MYRIP: variants seen among roughly 807,000 people sequenced by gnomAD.
MYRIP encodes the protein rab effector MyRIP.
A neutral mutation model predicts 98.0 loss-of-function variants in MYRIP; 49 were observed. That is an observed-to-expected ratio of 0.50 (90% CI 0.40 to 0.63). The LOEUF (loss-of-function observed/expected upper bound fraction) is 0.63. MYRIP is among the 30% of genes least tolerant of loss of function. MYRIP has a pLI of 0.00. For synonymous variants in MYRIP, 404 were observed against 409.5 expected, an observed-to-expected ratio of 0.99 and a Z score of 0.16; for missense variants, 1,004 against 1,058.2, an observed-to-expected ratio of 0.95 and a Z score of 0.71.
In MYRIP at chr3:40,075,793, T is replaced by C. The variant is rs563716068; in HGVS notation, c.332+31522T>C. ...AGACAGGGAGGGTGGGGGAAAAGCA[T>C]AGAAATACTTAAATGTGGAGGGGAA... On this transcript the variant is annotated intron_variant, in intron 3 of 16. Transcript: ENST00000302541. 1.2e-4 allele frequency among the ~76,000 whole-genome samples: 19 copies of C among 152,232 alleles called. No individual in the cohort carries two copies. In the South Asian group the frequency reaches 1.9e-3, roughly 15 times the overall value.
intron 3 of MYRIP, among the ~76,000 whole-genome samples, chr3:40,119,852 C>G (rs1219426692): frequency 2.0e-5 from 3 of 151,866 alleles, no homozygotes; most frequent in Non-Finnish European, 4.4e-5. Context: ...ACCAGCATGG[C>G]ACATGTATAC....
intron 11 of MYRIP, among the ~76,000 whole-genome samples, chr3:40,212,519 A>C (rs552858186): frequency 3.0e-4 from 46 of 152,268 alleles, no homozygotes; most frequent in Non-Finnish European, 5.6e-4. Flanking sequence ...CCATAATCCC[A>C]GCACTTTGGG....
At chr3:39,899,553 G>A (rs72868165) in intron 1 of MYRIP, among the ~76,000 whole-genome samples, 2,668 of 152,080 alleles carry the variant, frequency 0.018, 77 homozygotes, top group African/African-American at 0.061. Context: ...TTGATGTCTG[G>A]TGTATATTTT....
In MYRIP at chr3:39,919,378, G is replaced by A. The variant is rs547256414; in HGVS notation, c.110+18452G>A. Among the ~76,000 whole-genome samples the A allele has an allele frequency of 3.3e-5, 5 of 152,336 alleles. No individual in the cohort carries two copies. The South Asian group carries it at 1.0e-3, about 32-fold the overall frequency. On this transcript the variant is annotated intron_variant, in intron 2 of 16. Coordinates refer to ENST00000302541, the MANE Select transcript of MYRIP (RefSeq NM_015460.4). ...TCCTAGCCACAGGCCAATGGCTTTG[G>A]CTTGTCTCCCTTCTTGTGCAGTATC...
intron 11 of MYRIP, among the ~76,000 whole-genome samples, chr3:40,213,172 G>C (rs1027236534): frequency 2.6e-5 from 4 of 152,166 alleles, no homozygotes; most frequent in Non-Finnish European, 4.4e-5. Flanking sequence ...CCTGTCAACA[G>C]GCTCATGTCT....
At position 40,041,022 on chromosome 3, in the gene MYRIP, G is replaced by GAAAAAAA; in HGVS notation, c.111-3014_111-3008dup. ...AAAAAAAAAGAAAATATTACCAGCA[G>GAAAAAAA]AAAAAAAAAAAAAAAAAAAATCAAA... On this transcript the variant is annotated intron_variant, in intron 2 of 16. Transcript: ENST00000302541. 7.3e-4 allele frequency among the ~76,000 whole-genome samples: 30 copies of GAAAAAAA among 41,188 alleles called. 1 individual carries two copies. The highest frequency in any genetic ancestry group is 1.1e-3 in the Non-Finnish European group (23 of 21,440). The allele number at this position is 41,188 out of a possible 152,430, so 27.0% of individuals were successfully genotyped here. A position where few individuals can be genotyped will look rare whatever the true frequency, so the allele number is the denominator to read the frequency against.
chr3:40,215,110 G>C (rs559666935), intron 11 of MYRIP, among the ~76,000 whole-genome samples: 36 of 152,304 alleles, frequency 2.4e-4, no homozygotes, highest in African/African-American at 8.2e-4. Context: ...TAAAGGCCTA[G>C]ATTAGGAAAA....
In MYRIP at chr3:39,871,228, C is replaced by A. The variant is rs186905018; in HGVS notation, c.-30-29559C>A. ...TATAGAACACAGTGCTTGAATATGGCCCAATTAAGTTAGATCTTTTGGTTT... is the reference window on the plus strand; with the variant it reads ...TATAGAACACAGTGCTTGAATATGGACCAATTAAGTTAGATCTTTTGGTTT... On this transcript the variant is annotated intron_variant, in intron 1 of 16. Coordinates refer to ENST00000302541, the MANE Select transcript of MYRIP (RefSeq NM_015460.4). 9.9e-5 allele frequency among the ~76,000 whole-genome samples: 15 copies of A among 152,258 alleles called. No individual in the cohort carries two copies. In the East Asian group the frequency reaches 2.9e-3, roughly 29 times the overall value.
At position 40,196,641 on chromosome 3, in the gene MYRIP, T is replaced by C. The variant is rs374746365; in HGVS notation, c.1665+6178T>C. The stretch of plus-strand genomic sequence containing the variant: ...TTAATAAATGATCAGTTTTTGTGAA[T>C]GTTTTATGTGTGTTTAGAAGGAACA... On this transcript the variant is annotated intron_variant, in intron 10 of 16. Coordinates refer to ENST00000302541, the MANE Select transcript of MYRIP (RefSeq NM_015460.4). Among the ~76,000 whole-genome samples, 5 of 152,332 alleles carry C rather than the reference T, an allele frequency of 3.3e-5. 1 individual carries two copies. Among genetic ancestry groups the C allele is most frequent in the African/African-American group, 1.2e-4 (5 of 41,576 alleles).
intron 2 of MYRIP, among the ~76,000 whole-genome samples, chr3:40,038,789 G>C (rs1947441112): frequency 1.3e-5 from 2 of 152,090 alleles, no homozygotes; most frequent in African/African-American, 4.8e-5. Context: ...CTTCCTTCTT[G>C]CTTACCTGTG....
intron 1 of MYRIP, among the ~76,000 whole-genome samples, chr3:39,865,715 T>G (rs1370713885): frequency 2.0e-5 from 3 of 152,162 alleles, no homozygotes; most frequent in Non-Finnish European, 4.4e-5. Flanking sequence ...ACACTTATAC[T>G]CTGATGGTGG....
chr3:39,879,977 A>T (rs993730408), intron 1 of MYRIP, among the ~76,000 whole-genome samples: 101 of 152,190 alleles, frequency 6.6e-4, no homozygotes, highest in African/African-American at 2.4e-3. Flanking sequence ...CAAACTGGTG[A>T]CTGTTTTCAT....
At chr3:40,037,943 TA>T (rs1947421032) in intron 2 of MYRIP, among the ~76,000 whole-genome samples, 1 of 152,136 alleles carries the variant, frequency 6.6e-6, no homozygotes, top group South Asian at 2.1e-4. Flanking sequence ...CTTGGCTAAA[TA>T]AACCTCTATC....
chr3:39,850,332 C>T (rs1234293882), intron 1 of MYRIP, among the ~76,000 whole-genome samples: 1 of 152,214 alleles, frequency 6.6e-6, no homozygotes, highest in Non-Finnish European at 1.5e-5. Flanking sequence ...TCCACTGGTG[C>T]TTTCCAGCTG....
intron 3 of MYRIP, among the ~76,000 whole-genome samples, chr3:40,116,744 G>A (rs1949290435): frequency 6.6e-6 from 1 of 152,192 alleles, no homozygotes; most frequent in South Asian, 2.1e-4. Flanking sequence ...TGTGGATGCT[G>A]CAGGTTCTTA....
At chr3:40,055,843 C>T (rs1174822240) in intron 3 of MYRIP, among the ~76,000 whole-genome samples, 1 of 152,010 alleles carries the variant, frequency 6.6e-6, no homozygotes, top group Admixed American at 6.6e-5. Context: ...GCTGAGAGCC[C>T]CACAATAGAT....
At chr3:39,908,107 C>T (rs1559518136) in intron 2 of MYRIP, among the ~76,000 whole-genome samples, 1 of 152,124 alleles carries the variant, frequency 6.6e-6, no homozygotes. Context: ...GTTGCTGGTG[C>T]TCTAATGGAC....
intron 2 of MYRIP, among the ~76,000 whole-genome samples, chr3:39,927,704 A>G (rs1022720202): frequency 8.6e-5 from 13 of 152,030 alleles, no homozygotes; most frequent in Non-Finnish European, 1.5e-5. Context: ...AGTCAGCATC[A>G]CCCTGATACC....
chr3:40,106,038 C>A (rs1002397822), intron 3 of MYRIP, among the ~76,000 whole-genome samples: 2 of 152,036 alleles, frequency 1.3e-5, no homozygotes, highest in Non-Finnish European at 2.9e-5. Flanking sequence ...TCACCTCCCA[C>A]CAGACCCCAC....
Sources: allele counts gnomAD v4.1 joint callset (sites outside exome capture counted in the v4.1 genomes callset), GRCh38; gene constraint gnomAD v4.1.1; transcripts MANE v1.5; gene names NCBI Gene and HGNC (gene_info 2026-07-23, HGNC 2026-07-21).